Variants in MMP26 observed in about 807,000 individuals in gnomAD.
MMP26 encodes the protein matrix metalloproteinase-26.
In MMP26, 33 loss-of-function variants were observed where a neutral mutation model predicts 31.0. The observed-to-expected ratio is 1.06, with a 90% CI of 0.81 to 1.42. The LOEUF is 1.42. Ranked by LOEUF, MMP26 falls within the 40% of genes most tolerant of loss-of-function variation. The pLI is 0.00. For synonymous variants in MMP26, 122 were observed against 114.9 expected (o/e 1.06, Z -0.40); for missense variants, 347 against 316.1 (o/e 1.10, Z -0.74).
intron 1 of MMP26, among the ~76,000 whole-genome samples, chr11:4,760,863 G>A (rs1157548085): frequency 6.6e-6 from 1 of 152,198 alleles, no homozygotes; most frequent in Non-Finnish European, 1.5e-5. Flanking sequence ...TATAATTTAA[G>A]TAATAGTGAG....
Position 4,849,309 on chromosome 11 carries a change from A to G in MMP26, c.-145+81968A>G, listed in dbSNP as rs1324182134. On this transcript the variant is annotated intron_variant, in intron 2 of 7. Transcript: ENST00000380390. ...CATGAAACGTTCCAAAATAGCCTGC[A>G]TCTTCCCTTCCCTGACTCATGCACT... 19 of 1,298,664 alleles carry G rather than the reference A, an allele frequency of 1.5e-5. No individual in the cohort carries two copies. The East Asian group carries it at 4.2e-4, about 29-fold the overall frequency. 80.4% of individuals were successfully genotyped at this position (1,298,664 alleles called of 1,614,324 possible). A position where few individuals can be genotyped will look rare whatever the true frequency, so the allele number is the denominator to read the frequency against.
intron 1 of MMP26, among the ~76,000 whole-genome samples, chr11:4,728,702 C>T (rs1264199740): frequency 6.6e-6 from 1 of 152,050 alleles, no homozygotes; most frequent in Non-Finnish European, 1.5e-5. Context: ...ATAGTCTTCC[C>T]CTTTTTTTCT....
intron 2 of MMP26, among the ~76,000 whole-genome samples, chr11:4,825,117 G>A (rs1034615719): frequency 6.6e-5 from 10 of 152,082 alleles, no homozygotes; most frequent in African/African-American, 2.2e-4. Flanking sequence ...CAGTTGTGAG[G>A]CATCACACTC....
At chr11:4,771,960 C>A (rs1469752) in intron 2 of MMP26, among the ~76,000 whole-genome samples, 28,259 of 152,140 alleles carry the variant, frequency 0.19, 4,005 homozygotes, top group African/African-American at 0.4. Flanking sequence ...ATATCTATCT[C>A]CCTTCTTACC....
At chr11:4,719,319 G>A (rs1847979237) in intron 1 of MMP26, 1 of 153,398 alleles carries the variant, frequency 6.5e-6, no homozygotes, top group South Asian at 2.1e-4. Context: ...CGGAAGAAAG[G>A]AAGAAAGCCT....
chr11:4,972,448 T>C (rs758332249), intron 2 of MMP26, among the ~76,000 whole-genome samples: 14 of 152,224 alleles, frequency 9.2e-5, no homozygotes, highest in Non-Finnish European at 1.8e-4. Context: ...TTTATATTTT[T>C]CATGTATGCA....
chr11:4,757,478 A>G (rs1432402962), intron 1 of MMP26, among the ~76,000 whole-genome samples: 1 of 152,090 alleles, frequency 6.6e-6, no homozygotes, highest in Non-Finnish European at 1.5e-5. Flanking sequence ...GATCAATATC[A>G]GACTTCAAAC....
chr11:4,891,732 C>G (rs1161679596), intron 2 of MMP26, among the ~76,000 whole-genome samples: 1 of 152,126 alleles, frequency 6.6e-6, no homozygotes, highest in Non-Finnish European at 1.5e-5. Context: ...TGCTCTCCAT[C>G]TTTGAGGATG....
chr11:4,964,347 A>T (rs1432673627), intron 2 of MMP26, among the ~76,000 whole-genome samples: 2 of 152,090 alleles, frequency 1.3e-5, no homozygotes. Context: ...CAGTTTTCCT[A>T]GCACCATTTA....
At chr11:4,848,701 G>A in intron 2 of MMP26, 1 of 1,614,090 alleles carries the variant, frequency 6.2e-7, no homozygotes, top group Non-Finnish European at 8.5e-7. Flanking sequence ...TAGGCCAGCA[G>A]GAATGGCAGG....
intron 2 of MMP26, among the ~76,000 whole-genome samples, chr11:4,982,033 T>C (rs927855337): frequency 5.9e-5 from 9 of 151,684 alleles, no homozygotes; most frequent in Non-Finnish European, 2.9e-5. Context: ...CTGAAGTTGT[T>C]TTGCAGTTAA....
At chr11:4,935,091 A>AT (rs919905228) in intron 2 of MMP26, among the ~76,000 whole-genome samples, 21 of 151,630 alleles carry the variant, frequency 1.4e-4, no homozygotes, top group African/African-American at 3.9e-4. Flanking sequence ...ACTTTAAAGT[A>AT]TTTTTTTCCA....
intron 2 of MMP26, chr11:4,915,435 C>T: frequency 6.2e-7 from 1 of 1,613,956 alleles, no homozygotes; most frequent in East Asian, 2.2e-5. Context: ...AGGGAGAGAC[C>T]CAGGTCAATC....
intron 2 of MMP26, chr11:4,848,988 A>T (rs779541982): frequency 5.6e-6 from 9 of 1,614,050 alleles, no homozygotes; most frequent in Non-Finnish European, 8.5e-7. Context: ...AGACACACTA[A>T]GCAAGAAGAG....
chr11:4,960,894 C>A (rs1366937234), intron 2 of MMP26, among the ~76,000 whole-genome samples: 1 of 152,012 alleles, frequency 6.6e-6, no homozygotes, highest in Non-Finnish European at 1.5e-5. Flanking sequence ...ACAACAATCA[C>A]AGGGGTATAA....
chr11:4,785,369 T>G (rs1848926272), intron 2 of MMP26, among the ~76,000 whole-genome samples: 1 of 152,224 alleles, frequency 6.6e-6, no homozygotes, highest in Non-Finnish European at 1.5e-5. Flanking sequence ...TAGGTATAGA[T>G]GAGACTCTGT....
intron 1 of MMP26, among the ~76,000 whole-genome samples, chr11:4,740,806 T>C (rs1045797714): frequency 2.0e-4 from 30 of 152,182 alleles, no homozygotes; most frequent in African/African-American, 7.2e-4. Flanking sequence ...TAGAATTTTA[T>C]AACTGGAAAG....
chr11:4,788,846 A>G (rs1848983065), intron 2 of MMP26, among the ~76,000 whole-genome samples: 1 of 152,138 alleles, frequency 6.6e-6, no homozygotes, highest in African/African-American at 2.4e-5. Context: ...AATATATTCA[A>G]TGTTGTCAGC....
intron 2 of MMP26, among the ~76,000 whole-genome samples, chr11:4,810,485 G>T (rs1849335485): frequency 6.6e-6 from 1 of 152,132 alleles, no homozygotes; most frequent in Non-Finnish European, 1.5e-5. Context: ...ATGAGTTCAA[G>T]GTTATTGAAT....
Sources: gnomAD v4.1 joint callset for allele counts (sites outside exome capture counted in the v4.1 genomes callset) on GRCh38, gnomAD v4.1.1 for gene constraint, MANE v1.5 for transcripts, NCBI Gene and HGNC (gene_info 2026-07-23, HGNC 2026-07-21) for gene names.